The following JAZF1 variants were observed in gnomAD, a reference collection of about 807,000 sequenced individuals.
JAZF1 encodes the protein juxtaposed with another zinc finger protein 1.
Under a neutral mutation model 26.4 loss-of-function variants are expected in JAZF1, and 8 were observed. The ratio of observed to expected loss-of-function variants is 0.30; its 90% confidence interval spans 0.18 to 0.55. The LOEUF (loss-of-function observed/expected upper bound fraction) is 0.55, where lower values mean the gene tolerates loss of function less well. Ranked by LOEUF, JAZF1 falls within the 20% of genes least tolerant of loss-of-function variation. The pLI is 0.94. For synonymous variants in JAZF1, 126 were observed against 122.3 expected (o/e 1.03, Z -0.20); for missense variants, 199 against 322.0 (o/e 0.62, Z 2.92).
At chr7:27,916,060 G>C (rs1209164467) in intron 2 of JAZF1, among the ~76,000 whole-genome samples, 1 of 152,046 alleles carries the variant, frequency 6.6e-6, no homozygotes, top group East Asian at 1.9e-4. Context: ...GGGTATGGGA[G>C]GCCTCAGAGG....
chr7:28,120,470 A>G (rs1280156656), intron 1 of JAZF1, among the ~76,000 whole-genome samples: 1 of 145,828 alleles, frequency 6.9e-6, no homozygotes, highest in East Asian at 2.0e-4. Context: ...TAGAGGAAGG[A>G]AGATGTCTGA....
intron 2 of JAZF1, among the ~76,000 whole-genome samples, chr7:27,903,015 TAAAAAAAAAA>T (rs60212939): frequency 4.0e-5 from 4 of 98,952 alleles, no homozygotes; most frequent in Admixed American, 3.3e-4. Flanking sequence ...GACTCCGTCT[TAAAAAAAAAA>T]AAAAAAAAAA....
chr7:28,120,501 CTTTTTTTTTTTTT>C (rs58448766), intron 1 of JAZF1, among the ~76,000 whole-genome samples: 2 of 59,006 alleles, frequency 3.4e-5, no homozygotes, highest in Admixed American at 3.3e-4. Flanking sequence ...ACACACAGTT[CTTTTTTTTTTTTT>C]TTTTTTTTTT....
chr7:28,078,908 G>A (rs1297749500), intron 1 of JAZF1, among the ~76,000 whole-genome samples: 1 of 151,994 alleles, frequency 6.6e-6, no homozygotes, highest in Admixed American at 6.6e-5. Flanking sequence ...TAGAATAACT[G>A]ACTTTTAGAA....
At chr7:27,850,322 C>T (rs1783119965) in intron 3 of JAZF1, among the ~76,000 whole-genome samples, 1 of 152,126 alleles carries the variant, frequency 6.6e-6, no homozygotes, top group Admixed American at 6.5e-5. Context: ...ACGGGCCATG[C>T]CTGGAAAATT....
intron 1 of JAZF1, among the ~76,000 whole-genome samples, chr7:28,110,072 A>G (rs1784617434): frequency 6.6e-6 from 1 of 152,164 alleles, no homozygotes; most frequent in Non-Finnish European, 1.5e-5. Flanking sequence ...TTGACTCCTG[A>G]AGAGTTAAAA....
chr7:28,072,992 C>T (rs1784000125), intron 1 of JAZF1, among the ~76,000 whole-genome samples: 2 of 152,272 alleles, frequency 1.3e-5, no homozygotes, highest in South Asian at 2.1e-4. Flanking sequence ...CCTCCCAAAG[C>T]TCAGAAAAGG....
intron 2 of JAZF1, among the ~76,000 whole-genome samples, chr7:27,989,624 T>G (rs1785852535): frequency 6.6e-6 from 1 of 152,092 alleles, no homozygotes; most frequent in African/African-American, 2.4e-5. Flanking sequence ...GTGGGCAAAG[T>G]GTATGAACAG....
At chr7:27,988,240 C>A (rs949466053) in intron 2 of JAZF1, among the ~76,000 whole-genome samples, 3 of 151,460 alleles carry the variant, frequency 2.0e-5, no homozygotes, top group Admixed American at 6.6e-5. Flanking sequence ...ATGGTTGAAT[C>A]ATAATTCATT....
chr7:28,019,636 CTTTA>C (rs1017978783), intron 1 of JAZF1, among the ~76,000 whole-genome samples: 4 of 152,076 alleles, frequency 2.6e-5, no homozygotes, highest in Non-Finnish European at 5.9e-5. Flanking sequence ...CCCTCCTTGA[CTTTA>C]TTTAGCTTCT....
At chr7:27,949,922 C>G (rs772674090) in intron 2 of JAZF1, among the ~76,000 whole-genome samples, 6 of 152,176 alleles carry the variant, frequency 3.9e-5, no homozygotes, top group Non-Finnish European at 8.8e-5. Flanking sequence ...AAAATTATCT[C>G]TCCACTGTCT....
intron 3 of JAZF1, among the ~76,000 whole-genome samples, chr7:27,890,769 C>T (rs1441184108): frequency 2.7e-5 from 4 of 147,298 alleles, no homozygotes; most frequent in Non-Finnish European, 6.0e-5. Flanking sequence ...AGTAATTGTA[C>T]TTTAGATGTT....
At chr7:27,987,187 C>T (rs1194101786) in intron 2 of JAZF1, among the ~76,000 whole-genome samples, 5 of 151,284 alleles carry the variant, frequency 3.3e-5, no homozygotes, top group South Asian at 2.1e-4. Context: ...TCTTCCCGGC[C>T]GCCATCCCAT....
chr7:28,170,328 G>A (rs1783435384), intron 1 of JAZF1, among the ~76,000 whole-genome samples: 1 of 147,210 alleles, frequency 6.8e-6, no homozygotes, highest in Non-Finnish European at 1.5e-5. Context: ...AAGTAAAAGA[G>A]AAGTTGATAT....
At chr7:27,980,252 G>C (rs973180906) in intron 2 of JAZF1, among the ~76,000 whole-genome samples, 1 of 152,092 alleles carries the variant, frequency 6.6e-6, no homozygotes, top group Non-Finnish European at 1.5e-5. Flanking sequence ...TTTTTTCACA[G>C]GTATACTGTG....
intron 1 of JAZF1, among the ~76,000 whole-genome samples, chr7:28,016,066 G>C (rs943920429): frequency 2.6e-5 from 4 of 152,212 alleles, no homozygotes; most frequent in African/African-American, 9.7e-5. Flanking sequence ...TAGAGCCTCT[G>C]AGCCCCGCAG....
Position 27,968,039 on chromosome 7 carries a change from T to G in JAZF1, c.188+23870A>C, listed in dbSNP as rs187533651. On this transcript the variant is annotated intron_variant, in intron 2 of 4. Coordinates refer to ENST00000283928, the MANE Select transcript of JAZF1 (RefSeq NM_175061.4). ...AAAAGAATATTCATAATCTCTCTCT[T>G]TATAGTAGTCAAAGACTTTCAACAG... is the stretch of plus-strand genomic sequence containing the variant. Among the ~76,000 whole-genome samples, 799 of 152,320 alleles carry G rather than the reference T, an allele frequency of 5.2e-3. 9 individuals are homozygous for G. Among genetic ancestry groups the G allele is most frequent in the African/African-American group, 0.018 (759 of 41,570 alleles).
At chr7:28,042,748 T>C (rs759584524) in intron 1 of JAZF1, among the ~76,000 whole-genome samples, 23 of 152,178 alleles carry the variant, frequency 1.5e-4, no homozygotes, top group Non-Finnish European at 2.5e-4. Context: ...TACCATTGTG[T>C]TATAATCACC....
intron 3 of JAZF1, among the ~76,000 whole-genome samples, chr7:27,876,747 T>C (rs935544345): frequency 6.6e-5 from 10 of 152,156 alleles, no homozygotes; most frequent in Admixed American, 1.3e-4. Flanking sequence ...GCAAGATCAT[T>C]TGGATTCAAA....
Sources: gnomAD v4.1 joint callset for allele counts (sites outside exome capture counted in the v4.1 genomes callset) on GRCh38, gnomAD v4.1.1 for gene constraint, MANE v1.5 for transcripts, NCBI Gene and HGNC (gene_info 2026-07-23, HGNC 2026-07-21) for gene names.